The following ACVR1 variants were observed in gnomAD, a reference collection of about 807,000 sequenced individuals.
The protein encoded by ACVR1 is activin A receptor type 1.
ACVR1 carries 38 observed loss-of-function variants against 57.1 expected under a neutral mutation model. The observed-to-expected ratio is 0.67, with a 90% confidence interval of 0.51 to 0.87. The LOEUF is 0.87. Ranked by LOEUF, ACVR1 falls within the 40% of genes least tolerant of loss-of-function variation. The pLI is 0.00. For missense variants in ACVR1, 463 were observed against 638.2 expected (o/e 0.73, Z 2.96); for synonymous variants, 212 against 228.1 (o/e 0.93, Z 0.63).
intron 5 of ACVR1, among the ~76,000 whole-genome samples, chr2:157,777,824 C>T (rs1185942309): frequency 6.6e-6 from 1 of 152,092 alleles, no homozygotes; most frequent in African/African-American, 2.4e-5. Flanking sequence ...CCACAAATTC[C>T]AACCCTCCAA....
chr2:157,776,095 T>C (rs2105274884), intron 5 of ACVR1, among the ~76,000 whole-genome samples: 1 of 152,344 alleles, frequency 6.6e-6, no homozygotes, highest in Middle Eastern at 3.4e-3. Flanking sequence ...ATGAGCATAT[T>C]GCTTAAATAA....
At chr2:157,772,262 A>C (rs1349414786) in intron 6 of ACVR1, among the ~76,000 whole-genome samples, 1 of 152,194 alleles carries the variant, frequency 6.6e-6, no homozygotes, top group Non-Finnish European at 1.5e-5. Flanking sequence ...GGAGCCCCAC[A>C]AAAAGGCTCC....
intron 1 of ACVR1, among the ~76,000 whole-genome samples, chr2:157,850,404 G>C (rs1689254934): frequency 6.6e-6 from 1 of 151,104 alleles, no homozygotes; most frequent in South Asian, 2.1e-4. Flanking sequence ...AAAAAAAAGA[G>C]GGAAAAATGC....
chr2:157,844,744 C>T (rs1237565842), intron 1 of ACVR1, among the ~76,000 whole-genome samples: 1 of 152,106 alleles, frequency 6.6e-6, no homozygotes, highest in Non-Finnish European at 1.5e-5. Flanking sequence ...GGTGTCCCCA[C>T]AAGAATTCAT....
At position 157,752,755 on chromosome 2, in the gene ACVR1, C is replaced by T. The variant is rs191190897; in HGVS notation, c.1264+8125G>A. 1.7e-4 allele frequency among the ~76,000 whole-genome samples: 26 copies of T among 152,260 alleles called. No homozygotes were observed. The East Asian group carries it at 3.3e-3, about 19-fold the overall frequency. On this transcript the variant is annotated intron_variant, in intron 9 of 10. Transcript: ENST00000434821. Reference sequence around the variant, plus strand: ...CAGATAAACAAATGCTAACAGAATTCGCCACTACCAAGCCAGTACTAACAA... The same window carrying T: ...CAGATAAACAAATGCTAACAGAATTTGCCACTACCAAGCCAGTACTAACAA...
At chr2:157,867,059 T>C (rs1476323099) in intron 1 of ACVR1, among the ~76,000 whole-genome samples, 2 of 152,198 alleles carry the variant, frequency 1.3e-5, no homozygotes, top group Admixed American at 1.3e-4. Flanking sequence ...TTCTTCTGGG[T>C]TCTTGCTCTC....
At chr2:157,781,714 CT>C (rs1317409800) in intron 3 of ACVR1, among the ~76,000 whole-genome samples, 1 of 152,244 alleles carries the variant, frequency 6.6e-6, no homozygotes, top group Non-Finnish European at 1.5e-5. Flanking sequence ...TTAATTGTCT[CT>C]TTCTGAGAAT....
intron 3 of ACVR1, among the ~76,000 whole-genome samples, chr2:157,784,735 G>A (rs1686652872): frequency 6.6e-6 from 1 of 152,190 alleles, no homozygotes; most frequent in African/African-American, 2.4e-5. Flanking sequence ...GTGCAGGCTG[G>A]GAATCCCAGG....
intron 1 of ACVR1, among the ~76,000 whole-genome samples, chr2:157,825,685 C>G (rs1371235037): frequency 1.3e-5 from 2 of 152,180 alleles, no homozygotes; most frequent in African/African-American, 2.4e-5. Flanking sequence ...TCTTCCTCCC[C>G]ACTACTCCAT....
At chr2:157,809,667 A>G (rs1410852090) in intron 2 of ACVR1, among the ~76,000 whole-genome samples, 1 of 152,218 alleles carries the variant, frequency 6.6e-6, no homozygotes, top group African/African-American at 2.4e-5. Context: ...GTAAAAATAA[A>G]TGCACTCTAT....
chr2:157,869,577 G>A (rs542020324), intron 1 of ACVR1, among the ~76,000 whole-genome samples: 1 of 152,288 alleles, frequency 6.6e-6, no homozygotes, highest in African/African-American at 2.4e-5. Flanking sequence ...CTGTGCACAT[G>A]CATATGTGTT....
In ACVR1 at chr2:157,876,282, C is replaced by T. The variant is rs1690298273; in HGVS notation, c.-669G>A. Among the ~76,000 whole-genome samples the T allele has an allele frequency of 7.0e-6, 1 of 142,850 alleles. No homozygotes were observed. Among genetic ancestry groups the T allele is most frequent in the African/African-American group, 2.6e-5 (1 of 38,460 alleles). 93.7% of individuals were successfully genotyped at this position (142,850 alleles called of 152,430 possible). A position where few individuals can be genotyped will look rare whatever the true frequency, so the allele number is the denominator to read the frequency against. On this transcript the variant is annotated 5_prime_UTR_variant, in exon 1 of 11. Transcript: ENST00000434821. ...ACCGTCACAGAGAGTAGAAAAGTTC[C>T]CCCTGCGCCGAGGGGGAGGCTGCGG...
chr2:157,789,415 C>T (rs1041402706), intron 3 of ACVR1, among the ~76,000 whole-genome samples: 3 of 152,206 alleles, frequency 2.0e-5, no homozygotes, highest in African/African-American at 7.2e-5. Flanking sequence ...AAACACAAAT[C>T]CAGGCGAGAG....
intron 5 of ACVR1, 22 bp downstream of exon 5, chr2:157,778,109 T>A: frequency 6.2e-7 from 1 of 1,612,444 alleles, no homozygotes; most frequent in Non-Finnish European, 8.5e-7. Context: ...TGCTTGGGAT[T>A]TCCTGTGGGG....
intron 3 of ACVR1, among the ~76,000 whole-genome samples, chr2:157,783,975 CTGACAGAG>C (rs1297413010): frequency 6.6e-6 from 1 of 152,200 alleles, no homozygotes; most frequent in African/African-American, 2.4e-5. Context: ...GCAATTTCAT[CTGACAGAG>C]TGGAGTAGAT....
intron 1 of ACVR1, among the ~76,000 whole-genome samples, chr2:157,835,013 A>G (rs1688728891): frequency 6.6e-6 from 1 of 152,280 alleles, no homozygotes; most frequent in South Asian, 2.1e-4. Context: ...GTGTAAAATA[A>G]ACGTCGGGTC....
chr2:157,783,842 T>C (rs1406350769), intron 3 of ACVR1, among the ~76,000 whole-genome samples: 1 of 152,226 alleles, frequency 6.6e-6, no homozygotes, highest in African/African-American at 2.4e-5. Context: ...TCCTTCATCA[T>C]GTATTTATTT....
chr2:157,837,294 G>A (rs754986610), intron 1 of ACVR1, among the ~76,000 whole-genome samples: 2 of 152,072 alleles, frequency 1.3e-5, no homozygotes, highest in Non-Finnish European at 2.9e-5. Context: ...TTTGGAGATC[G>A]AAGGATTTAC....
At chr2:157,803,158 A>G (rs16842105) in intron 2 of ACVR1, among the ~76,000 whole-genome samples, 8,281 of 152,164 alleles carry the variant, frequency 0.054, 815 homozygotes, top group African/African-American at 0.19. Flanking sequence ...CCACTGGCAT[A>G]TTTTCCACGT....
Sources: gnomAD v4.1 joint callset for allele counts (sites outside exome capture counted in the v4.1 genomes callset) on GRCh38, gnomAD v4.1.1 for gene constraint, MANE v1.5 for transcripts, NCBI Gene and HGNC (gene_info 2026-07-23, HGNC 2026-07-21) for gene names.